The following RSAD2 variants were observed in gnomAD, a reference collection of about 807,000 sequenced individuals.
RSAD2 encodes radical S-adenosyl methionine domain containing 2, also known as S-adenosylmethionine-dependent nucleotide dehydratase RSAD2.
In RSAD2, 38 loss-of-function variants were observed where a neutral mutation model predicts 37.7. The ratio of observed to expected loss-of-function variants is 1.01; its 90% CI spans 0.78 to 1.32. The LOEUF (loss-of-function observed/expected upper bound fraction) is 1.32, where lower values mean the gene tolerates loss of function less well. Among genes scored for constraint, RSAD2 ranks in the 40% most tolerant of loss-of-function variants. The probability of loss-of-function intolerance (pLI) is 0.00; values close to 1 mark genes in which losing one functional copy is unlikely to be tolerated. For missense variants in RSAD2, 428 were observed against 437.5 expected, an observed-to-expected ratio of 0.98 and a Z score of 0.19; for synonymous variants, 163 against 157.4, an observed-to-expected ratio of 1.04 and a Z score of -0.27.
chr2:6,878,922 T>G, intron 1 of RSAD2: 5 of 968,276 alleles, frequency 5.2e-6, no homozygotes, highest in Non-Finnish European at 7.2e-6. Flanking sequence ...TTACACATAT[T>G]CTGGATGTGC....
At chr2:6,886,805 G>C in intron 2 of RSAD2, 130 bp from the exon 3 acceptor site, 1 of 641,732 alleles carries the variant, frequency 1.6e-6, no homozygotes, top group Non-Finnish European at 2.7e-6. Flanking sequence ...ATCTCAATGA[G>C]TTTTGTGGGT....
At chr2:6,890,969 C>T (rs747992084) in intron 4 of RSAD2, among the ~76,000 whole-genome samples, 35 of 151,730 alleles carry the variant, frequency 2.3e-4, no homozygotes, top group Non-Finnish European at 5.0e-4. Context: ...TAAGGAACCT[C>T]CTTATTAATG....
chr2:6,888,273 C>A (rs1663561784), intron 3 of RSAD2, among the ~76,000 whole-genome samples: 3 of 152,166 alleles, frequency 2.0e-5, no homozygotes, highest in Admixed American at 2.0e-4. Flanking sequence ...TTAGGGGAAG[C>A]TGGAGATGCT....
In RSAD2 at chr2:6,890,245, G is replaced by A; in HGVS notation, c.808G>A (p.Val270Ile). The change falls in exon 4 of 6, where the codon GTT becomes ATT. Residue 270 changes from valine (V) to isoleucine (I), a missense_variant. Val to Ile is a conservative substitution (Grantham distance 29). Coordinates refer to ENST00000382040, the MANE Select transcript of RSAD2 (RefSeq NM_080657.5). Reference sequence around the variant, plus strand: ...TGCTCTAAGAGAAGCAGAAAGATTTGTTATTGGTGATGAAGAATTTGAAAG... The same window carrying A: ...TGCTCTAAGAGAAGCAGAAAGATTTATTATTGGTGATGAAGAATTTGAAAG... ...EDALREAERF[V>I]IGDEEFERFL... 1 of 1,614,192 alleles carries A rather than the reference G, an allele frequency of 6.2e-7. No homozygotes were observed. Among genetic ancestry groups the A allele is most frequent in the Non-Finnish European group, 8.5e-7 (1 of 1,180,010 alleles).
In RSAD2 at chr2:6,887,170, T is replaced by C; in HGVS notation, c.738+6T>C. On this transcript the variant is annotated splice_donor_region_variant and intron_variant, in intron 3 of 5. Transcript: ENST00000382040. The stretch of plus-strand genomic sequence containing the variant: ...TAAACCCTGTCCGCTGGAAAGTAAG[T>C]ACACAAGGTCGCTTTTGCTGATTTC... 6.2e-7 allele frequency: 1 copy of C among 1,603,976 alleles called. No individual in the cohort carries two copies. Among genetic ancestry groups the C allele is most frequent in the South Asian group, 1.1e-5 (1 of 90,584 alleles).
At chr2:6,885,375 A>C (rs1663497564) in intron 2 of RSAD2, among the ~76,000 whole-genome samples, 1 of 152,160 alleles carries the variant, frequency 6.6e-6, no homozygotes, top group Non-Finnish European at 1.5e-5. Context: ...GAAACTCAGG[A>C]CCCCAACAAC....
At chr2:6,880,244 G>A (rs1356358863) in intron 1 of RSAD2, among the ~76,000 whole-genome samples, 1 of 152,154 alleles carries the variant, frequency 6.6e-6, no homozygotes, top group Non-Finnish European at 1.5e-5. Context: ...AACACAAAAG[G>A]TGGCTCCACA....
exon 1 of RSAD2, chr2:6,865,939 C>G (rs1663074017): frequency 7.4e-7 from 1 of 1,342,850 alleles, no homozygotes; most frequent in African/African-American, 1.6e-5. Context: ...CGGGAGCAGA[C>G]GCTTGGCCCC....
At chr2:6,866,008 G>A (rs1176609708) in exon 1 of RSAD2, 7 of 600,470 alleles carry the variant, frequency 1.2e-5, no homozygotes, top group South Asian at 9.7e-5. Flanking sequence ...GGCTCCCGGG[G>A]CTGACACCGA....
intron 1 of RSAD2, among the ~76,000 whole-genome samples, chr2:6,878,535 A>G (rs1272329569): frequency 6.6e-6 from 1 of 152,256 alleles, no homozygotes; most frequent in Non-Finnish European, 1.5e-5. Context: ...TTCCAGAAAC[A>G]GTTATTAATA....
At chr2:6,873,186 A>G (rs1191835624), upstream of RSAD2, among the ~76,000 whole-genome samples, 1 of 152,134 alleles carries the variant, frequency 6.6e-6, no homozygotes, top group Non-Finnish European at 1.5e-5. Context: ...AGAAAACCAA[A>G]GTTTTCCTTC....
chr2:6,888,499 C>T (rs1007432031), intron 3 of RSAD2, among the ~76,000 whole-genome samples: 23 of 152,172 alleles, frequency 1.5e-4, no homozygotes, highest in African/African-American at 5.6e-4. Context: ...CCTGCCTGCC[C>T]CTCTCCTGTA....
upstream of RSAD2, among the ~76,000 whole-genome samples, chr2:6,874,979 C>T (rs567586662): frequency 6.6e-6 from 1 of 152,258 alleles, no homozygotes; most frequent in Non-Finnish European, 1.5e-5. Flanking sequence ...CAAGAGTTCC[C>T]AGCCTTACAG....
At chr2:6,870,615 A>G (rs545447331) in intron 1 of RSAD2, among the ~76,000 whole-genome samples, 1 of 152,282 alleles carries the variant, frequency 6.6e-6, no homozygotes, top group Admixed American at 6.5e-5. Flanking sequence ...ATTCTCAGCC[A>G]GTCCCCCCAT....
In RSAD2 at chr2:6,890,157, C is replaced by T. The variant is rs369548661; in HGVS notation, c.739-19C>T. The T allele has an allele frequency of 2.4e-4, 391 of 1,612,130 alleles. No homozygotes were observed. The highest frequency in any genetic ancestry group is 3.1e-4 in the Non-Finnish European group (366 of 1,178,736). On this transcript the variant is annotated intron_variant, in intron 3 of 5. Transcript: ENST00000382040. ...GATGGAAAGCTCTCTGCAAAGCAAA[C>T]ACTACCATTGCCTTTCAGGTGTTCC...
chr2:6,877,779 T>C lies in RSAD2; in HGVS notation c.-22T>C. On this transcript the variant is annotated 5_prime_UTR_variant, in exon 1 of 6. Coordinates refer to ENST00000382040, the MANE Select transcript of RSAD2 (RefSeq NM_080657.5). ...AGAGTCCCTGGCATACAGAGACTGC[T>C]CTGCTCCAGGCATCTGCCACAATGT... is the stretch of plus-strand genomic sequence containing the variant. 1 of 1,600,848 alleles carries C rather than the reference T, an allele frequency of 6.2e-7. No homozygotes were observed. The highest frequency in any genetic ancestry group is 8.5e-7 in the Non-Finnish European group (1 of 1,171,006).
In RSAD2 at chr2:6,890,232, A is replaced by C. The variant is rs1342126742; in HGVS notation, c.795A>C (p.Glu265Asp). The C allele has an allele frequency of 6.2e-7, 1 of 1,614,090 alleles. No homozygotes were observed. The highest frequency in any genetic ancestry group is 1.7e-5 in the Admixed American group (1 of 60,008). ...GENCGEDALR[E>D]AERFVIGDEE... ...ATTGTGGAGAAGATGCTCTAAGAGA[A>C]GCAGAAAGATTTGTTATTGGTGATG... The change falls in exon 4 of 6, where the codon GAA (glutamate) becomes GAC (aspartate). Residue 265 changes from glutamate (E) to aspartate (D), a missense_variant. Glu to Asp is a conservative substitution (Grantham distance 45). Transcript: ENST00000382040.
intron 4 of RSAD2, among the ~76,000 whole-genome samples, chr2:6,893,187 A>G (rs1049876734): frequency 1.3e-5 from 2 of 152,254 alleles, no homozygotes; most frequent in Non-Finnish European, 2.9e-5. Context: ...ATATACCTAT[A>G]GAAGTCATAA....
chr2:6,870,859 C>A (rs1194529079), intron 1 of RSAD2, among the ~76,000 whole-genome samples: 1 of 152,210 alleles, frequency 6.6e-6, no homozygotes, highest in Admixed American at 6.5e-5. Flanking sequence ...GCTTTCAGTT[C>A]TTCCTATCTG....
Sources: gnomAD v4.1 joint callset for allele counts (sites outside exome capture counted in the v4.1 genomes callset) on GRCh38, gnomAD v4.1.1 for gene constraint, MANE v1.5 for transcripts, NCBI Gene and HGNC (gene_info 2026-07-23, HGNC 2026-07-21) for gene names.